The following XRN1 variants were observed in gnomAD, a reference collection of about 807,000 sequenced individuals.
XRN1 encodes the protein 5'-3' exoribonuclease 1.
A neutral mutation model predicts 222.3 loss-of-function variants in XRN1; 67 were observed. The ratio of observed to expected loss-of-function variants is 0.30; its 90% CI spans 0.25 to 0.37. XRN1 has a LOEUF of 0.37. XRN1 is among the 10% of genes least tolerant of loss of function. The pLI is 1.00. For missense variants in XRN1, 1,707 were observed against 2,000.2 expected (o/e 0.85, Z 2.80); for synonymous variants, 643 against 652.4 (o/e 0.99, Z 0.22).
intron 2 of XRN1, among the ~76,000 whole-genome samples, chr3:142,427,160 T>A (rs779445161): frequency 6.6e-6 from 1 of 151,932 alleles, no homozygotes; most frequent in Non-Finnish European, 1.5e-5. Context: ...CAAGATCCCA[T>A]CTCTACAAAA....
At position 142,397,341 on chromosome 3, in the gene XRN1, C is replaced by T; in HGVS notation, c.2327G>A (p.Gly776Glu). ...EQSNWAKEVQ[G>E]ISEHYLRRKG... ...TAACGATACTCACTGTTCTGAAATT[C>T]CTTGTACTTCTTTTGCCCAGTTAGA... The change falls in exon 20 of 41, where the codon GGA becomes GAA. Residue 776 changes from glycine (G) to glutamate (E), a missense_variant. Coordinates refer to ENST00000392981, the MANE Select transcript of XRN1 (RefSeq NM_001282857.2). The T allele has an allele frequency of 6.3e-7, 1 of 1,588,464 alleles. No homozygotes were observed. Among genetic ancestry groups the T allele is most frequent in the South Asian group, 1.2e-5 (1 of 85,856 alleles).
At chr3:142,351,077 T>C (rs180718212) in intron 32 of XRN1, among the ~76,000 whole-genome samples, 1 of 152,178 alleles carries the variant, frequency 6.6e-6, no homozygotes, top group Admixed American at 6.6e-5. Flanking sequence ...ATCTATCTTA[T>C]CTAAATCTAT....
intron 22 of XRN1, 23 bp from the exon 23 acceptor site, chr3:142,380,203 G>C (rs745632368): frequency 5.7e-6 from 9 of 1,573,124 alleles, no homozygotes; most frequent in Non-Finnish European, 7.0e-6. Flanking sequence ...AAAAATCACA[G>C]TATAGTCTCT....
Position 142,404,890 on chromosome 3 carries a change from T to C in XRN1, c.1883+17A>G, listed in dbSNP as rs747262166. ...GGAGCGCTCTTTTGTTGTTGAAAAA[T>C]TACCAAGTAACATTACCTTGTACAA... On this transcript the variant is annotated intron_variant, in intron 16 of 40. Transcript: ENST00000392981. 73 of 1,613,074 alleles carry C rather than the reference T, an allele frequency of 4.5e-5. No individual in the cohort carries two copies. The highest frequency in any genetic ancestry group is 6.1e-5 in the Non-Finnish European group (72 of 1,179,634).
In XRN1 at chr3:142,311,166, T is replaced by A. The variant is rs2065066016; in HGVS notation, c.*345A>T. The A allele has an allele frequency of 6.0e-6, 1 of 165,740 alleles. No individual in the cohort carries two copies. Among genetic ancestry groups the A allele is most frequent in the Non-Finnish European group, 1.3e-5 (1 of 76,574 alleles). 10.3% of individuals were successfully genotyped at this position (165,740 alleles called of 1,614,324 possible). ...TTGCTAACTGATGTCTAATTCATAG[T>A]TCAGGATGCTTCAATCATGAGGCCA... is the stretch of plus-strand genomic sequence containing the variant. On this transcript the variant is annotated 3_prime_UTR_variant, in exon 41 of 41. Coordinates refer to ENST00000392981, the MANE Select transcript of XRN1 (RefSeq NM_001282857.2).
chr3:142,339,148 C>T (rs762431145), intron 33 of XRN1, among the ~76,000 whole-genome samples: 20 of 152,164 alleles, frequency 1.3e-4, no homozygotes, highest in Non-Finnish European at 2.8e-4. Flanking sequence ...ACTGTGGTGG[C>T]TTCAGGTCTG....
chr3:142,389,100 C>G (rs915046973), intron 20 of XRN1, among the ~76,000 whole-genome samples: 1 of 152,300 alleles, frequency 6.6e-6, no homozygotes, highest in South Asian at 2.1e-4. Context: ...TGAATCCCAG[C>G]TACTCAGGAG....
At chr3:142,366,829 G>A (rs1177725217) in intron 27 of XRN1, among the ~76,000 whole-genome samples, 1 of 152,134 alleles carries the variant, frequency 6.6e-6, no homozygotes, top group Non-Finnish European at 1.5e-5. Flanking sequence ...GACATTAACA[G>A]GCATTATTAC....
At chr3:142,391,749 A>AAAT (rs1553733834) in intron 20 of XRN1, among the ~76,000 whole-genome samples, 3 of 103,440 alleles carry the variant, frequency 2.9e-5, no homozygotes, top group African/African-American at 1.1e-4. Context: ...AAAAAAAAAA[A>AAAT]ATATATATAT....
Position 142,326,972 on chromosome 3 carries a change from G to T in XRN1, c.4404+2462C>A, listed in dbSNP as rs542626229. On this transcript the variant is annotated intron_variant, in intron 37 of 40. Transcript: ENST00000392981. The stretch of plus-strand genomic sequence containing the variant: ...TGCATACCTGGGATGAATCCCACTT[G>T]ATCATGATGAATTATCTTTTTAATG... Among the ~76,000 whole-genome samples, 5 of 152,240 alleles carry T rather than the reference G, an allele frequency of 3.3e-5. No homozygotes were observed. The South Asian group carries it at 1.0e-3, about 32-fold the overall frequency.
intron 33 of XRN1, among the ~76,000 whole-genome samples, chr3:142,337,360 A>T (rs981845413): frequency 1.3e-5 from 2 of 152,200 alleles, no homozygotes; most frequent in African/African-American, 4.8e-5. Context: ...GCTTATTATC[A>T]GTCTTCATCT....
At chr3:142,375,352 C>G (rs1015590385) in intron 25 of XRN1, among the ~76,000 whole-genome samples, 1 of 152,134 alleles carries the variant, frequency 6.6e-6, no homozygotes, top group Non-Finnish European at 1.5e-5. Flanking sequence ...GGCTTTCTCA[C>G]TTTTGGTATG....
chr3:142,352,682 C>T (rs1361073135), intron 32 of XRN1, among the ~76,000 whole-genome samples: 2 of 152,142 alleles, frequency 1.3e-5, no homozygotes, highest in East Asian at 1.9e-4. Context: ...CTCTGTCATC[C>T]AGGCTGGAGA....
At chr3:142,340,189 C>G (rs1334345604) in intron 33 of XRN1, among the ~76,000 whole-genome samples, 1 of 151,996 alleles carries the variant, frequency 6.6e-6, no homozygotes, top group Admixed American at 6.6e-5. Context: ...AACCCTGTCT[C>G]TACTAAAAAT....
intron 37 of XRN1, among the ~76,000 whole-genome samples, chr3:142,322,675 CCAAA>C (rs568235091): frequency 2.5e-4 from 37 of 150,832 alleles, no homozygotes; most frequent in Non-Finnish European, 3.7e-4. Flanking sequence ...GGTTCTGTCC[CCAAA>C]CAAACAAACA....
At position 142,447,477 on chromosome 3, in the gene XRN1, G is replaced by A. The variant is rs890300507; in HGVS notation, c.75+393C>T. On this transcript the variant is annotated intron_variant, in intron 1 of 40. Coordinates refer to ENST00000392981, the MANE Select transcript of XRN1 (RefSeq NM_001282857.2). The surrounding 1 kb of genome is among the most constrained non-coding windows in gnomAD (Gnocchi z 4.2). Reference sequence around the variant, plus strand: ...CGTCTGTAAGTGGGTCTGCCGCTCTGGGTGGGATGGGGGAACCTACGAGGA... The same window carrying A: ...CGTCTGTAAGTGGGTCTGCCGCTCTAGGTGGGATGGGGGAACCTACGAGGA... Among the ~76,000 whole-genome samples the A allele has an allele frequency of 3.9e-5, 6 of 152,194 alleles. No homozygotes were observed. Among genetic ancestry groups the A allele is most frequent in the Non-Finnish European group, 5.9e-5 (4 of 68,040 alleles).
chr3:142,384,450 T>C (rs897774801), intron 21 of XRN1, 73 bp downstream of exon 21: 15 of 1,207,772 alleles, frequency 1.2e-5, no homozygotes, highest in Non-Finnish European at 1.6e-5. Context: ...TATTAACATA[T>C]CTTTTCATTA....
Position 142,432,841 on chromosome 3 carries a change from C to G in XRN1, c.128G>C (p.Cys43Ser). 1 of 1,613,842 alleles carries G rather than the reference C, an allele frequency of 6.2e-7. No homozygotes were observed. Among genetic ancestry groups the G allele is most frequent in the Non-Finnish European group, 8.5e-7 (1 of 1,179,970 alleles). Residue 43 changes from cysteine (C) to serine (S), a missense_variant, in exon 2 of 41, where the codon TGC becomes TCC. Around this residue, in one of 2 missense-constraint regions of XRN1, gnomAD observed 1,234 missense variants for 1,518.2 expected, o/e 0.81. Transcript: ENST00000392981. Reference sequence around the variant, plus strand: ...AACATCATCATCATTAGGATGGGAGCACTGATGTATAATTCCATTCATATC... The same window carrying G: ...AACATCATCATCATTAGGATGGGAGGACTGATGTATAATTCCATTCATATC... ...YLDMNGIIHQCSHPNDDDVHF... is the reference protein window; with the variant it reads ...YLDMNGIIHQSSHPNDDDVHF...
At chr3:142,360,055 GA>G in intron 29 of XRN1, 124 bp from the exon 30 acceptor site, 1 of 540,824 alleles carries the variant, frequency 1.8e-6, no homozygotes, top group Non-Finnish European at 3.1e-6. Context: ...AAATATTCAG[GA>G]TATGAACAAT....
Sources: gnomAD v4.1 joint callset for allele counts (sites outside exome capture counted in the v4.1 genomes callset) on GRCh38, gnomAD v4.1.1 for gene constraint, gnomAD v4.1.1 regional missense constraint, Gnocchi (gnomAD v3.1) non-coding constraint, MANE v1.5 for transcripts, NCBI Gene and HGNC (gene_info 2026-07-23, HGNC 2026-07-21) for gene names.